PRR19: variants seen among roughly 807,000 people sequenced by gnomAD.
The protein encoded by PRR19 is proline rich 19.
In PRR19, 9 loss-of-function variants were observed where a neutral mutation model predicts 19.2. That is an observed-to-expected ratio of 0.47 (90% CI 0.28 to 0.82). The LOEUF (loss-of-function observed/expected upper bound fraction) is 0.82. Among genes scored for constraint, PRR19 ranks in the 40% least tolerant of loss-of-function variants. The pLI is 0.11. For synonymous variants in PRR19, 190 were observed against 191.0 expected (o/e 0.99, Z 0.04); for missense variants, 457 against 466.0 (o/e 0.98, Z 0.18).
Position 42,309,800 on chromosome 19 carries a change from G to A in PRR19, c.216G>A (p.Glu72=). The change falls in exon 2 of 3, where the codon GAG becomes GAA. Residue 72 remains glutamate, a synonymous_variant. Coordinates refer to ENST00000341747, the MANE Select transcript of PRR19 (RefSeq NM_199285.3). ...TAACCCAGGGCCGGCTGAGCCGGGA[G>A]CACCGGGGTCTCTTCAACCACGAGG... is the stretch of plus-strand genomic sequence containing the variant. ...VVITQGRLSR[E]HRGLFNHEVK... 1 of 1,613,998 alleles carries A rather than the reference G, an allele frequency of 6.2e-7. No homozygotes were observed. Among genetic ancestry groups the A allele is most frequent in the Non-Finnish European group, 8.5e-7 (1 of 1,179,938 alleles).
chr19:42,302,979 TC>T (rs1355507425), intron 1 of PRR19, among the ~76,000 whole-genome samples: 1 of 151,470 alleles, frequency 6.6e-6, no homozygotes, highest in Non-Finnish European at 1.5e-5. Flanking sequence ...AATTCGAGGC[TC>T]CCTTCTAAGG....
chr19:42,310,488 T>A lies in PRR19; in HGVS notation c.819T>A (p.Ser273=). 6.2e-7 allele frequency: 1 copy of A among 1,614,176 alleles called. No individual in the cohort carries two copies. The highest frequency in any genetic ancestry group is 8.5e-7 in the Non-Finnish European group (1 of 1,180,016). Residue 273 remains serine, a synonymous_variant, in exon 3 of 3, where the codon TCT becomes TCA. Transcript: ENST00000341747. ...ACTTTCCCTCACTGTCTTCGCCATC[T>A]GGAACAGCCTGGGGTCCCCCAACAG... The part of the protein sequence containing the change: ...PPYFPSLSSP[S]GTAWGPPTAF...
intron 1 of PRR19, among the ~76,000 whole-genome samples, chr19:42,306,372 A>G (rs2038706571): frequency 1.3e-5 from 2 of 151,970 alleles, no homozygotes; most frequent in Admixed American, 1.3e-4. Context: ...ACGGGGTTTC[A>G]CCGTGTTAGC....
rs2038651877 is a variant in PRR19 at position 42,302,475 on chromosome 19, C to A, written c.-35C>A. Reference sequence around the variant, plus strand: ...AGGCCGATACAGGGCGCCGCCTCCTCTCCAGGGACGGAAGCCTTCACTTAG... The same window carrying A: ...AGGCCGATACAGGGCGCCGCCTCCTATCCAGGGACGGAAGCCTTCACTTAG... On this transcript the variant is annotated 5_prime_UTR_variant, in exon 1 of 3. Coordinates refer to ENST00000341747, the MANE Select transcript of PRR19 (RefSeq NM_199285.3). 1 of 609,334 alleles carries A rather than the reference C, an allele frequency of 1.6e-6. No individual in the cohort carries two copies. The highest frequency in any genetic ancestry group is 2.8e-6 in the Non-Finnish European group (1 of 351,668). The allele number at this position is 609,334 out of a possible 1,614,324, so 37.7% of individuals were successfully genotyped here.
rs2038643974 is a variant in PRR19, at chr19:42,302,232, C to G, written c.-278C>G. ...CAATATCCCAGGTGGGAACGCTCAC[C>G]AGGGACATCCAGCGCCCGTCGCCCT... On this transcript the variant is annotated 5_prime_UTR_variant, in exon 1 of 3. Transcript: ENST00000341747. The G allele has an allele frequency of 1.2e-5, 19 of 1,593,490 alleles. No homozygotes were observed. Among genetic ancestry groups the G allele is most frequent in the Non-Finnish European group, 1.5e-5 (17 of 1,170,154 alleles).
In PRR19 at chr19:42,302,307, C is replaced by T. The variant is rs1394237546; in HGVS notation, c.-203C>T. ...TGCTGGCTGGGTTCTCCTCTCCACT[C>T]ATCTTGGCGCCGCAGCTCCTGCAGG... is the stretch of plus-strand genomic sequence containing the variant. On this transcript the variant is annotated 5_prime_UTR_variant, in exon 1 of 3. Coordinates refer to ENST00000341747, the MANE Select transcript of PRR19 (RefSeq NM_199285.3). 6.2e-7 allele frequency: 1 copy of T among 1,602,820 alleles called. No homozygotes were observed.
chr19:42,309,183 C>T (rs1012808902), intron 1 of PRR19: 3 of 155,336 alleles, frequency 1.9e-5, no homozygotes, highest in African/African-American at 7.2e-5. Flanking sequence ...AAGTGATTCT[C>T]CTGCCTCAGC....
chr19:42,310,062 G>C lies in PRR19; in HGVS notation c.478G>C (p.Ala160Pro), dbSNP rs199970161. The C allele has an allele frequency of 7.4e-6, 12 of 1,613,958 alleles. No individual in the cohort carries two copies. In the African/African-American group the frequency reaches 1.2e-4, roughly 16 times the overall value. Residue 160 changes from alanine (A) to proline (P), a missense_variant, in exon 2 of 3, where the codon GCC becomes CCC. Transcript: ENST00000341747. Reference protein sequence around the residue: ...ELQCQLSLPQAFPRRNLIQDA... With the variant: ...ELQCQLSLPQPFPRRNLIQDA... Reference sequence around the variant, plus strand: ...GCAGTGTCAGCTGAGTTTGCCACAGGCCTTCCCCCGGAGGAACCTGATTCA... The same window carrying C: ...GCAGTGTCAGCTGAGTTTGCCACAGCCCTTCCCCCGGAGGAACCTGATTCA...
At position 42,309,663 on chromosome 19, in the gene PRR19, C is replaced by G. The variant is rs142853505; in HGVS notation, c.79C>G (p.Arg27Gly). 6.3e-7 allele frequency: 1 copy of G among 1,592,762 alleles called. No individual in the cohort carries two copies. The highest frequency in any genetic ancestry group is 8.6e-7 in the Non-Finnish European group (1 of 1,166,922). ...TCGTGTCCGTCGTCGGAAGACTAGGCGGGAACGTAACAAGGCCCTGGTGGG... is the reference window on the plus strand; with the variant it reads ...TCGTGTCCGTCGTCGGAAGACTAGGGGGGAACGTAACAAGGCCCTGGTGGG... ...PGRVRRRKTR[R>G]ERNKALVGSR... is the part of the protein sequence containing the mutation. Residue 27 changes from arginine to glycine, a missense_variant, in exon 2 of 3, where the codon CGG becomes GGG. By Grantham distance (125) the Arg-to-Gly change is moderately radical. Coordinates refer to ENST00000341747, the MANE Select transcript of PRR19 (RefSeq NM_199285.3).
In PRR19 at chr19:42,310,355, G is replaced by C; in HGVS notation, c.686G>C (p.Arg229Thr). 6.2e-7 allele frequency: 1 copy of C among 1,614,150 alleles called. No individual in the cohort carries two copies. The highest frequency in any genetic ancestry group is 8.5e-7 in the Non-Finnish European group (1 of 1,180,016). ...PDQVPEQERQ[R>T]KQQGTKEFTF... ...CAAGTCCCAGAGCAGGAGAGGCAAA[G>C]GAAGCAACAAGGGACAAAGGAGTTC... is the stretch of plus-strand genomic sequence containing the variant. Residue 229 changes from arginine (R) to threonine (T), a missense_variant, in exon 3 of 3, where the codon AGG (arginine) becomes ACG (threonine). Coordinates refer to ENST00000341747, the MANE Select transcript of PRR19 (RefSeq NM_199285.3).
intron 1 of PRR19, among the ~76,000 whole-genome samples, chr19:42,306,725 T>A (rs1437303465): frequency 6.6e-6 from 1 of 152,206 alleles, no homozygotes; most frequent in Non-Finnish European, 1.5e-5. Flanking sequence ...GAAAGACCGC[T>A]GATAGCTATC....
At chr19:42,305,313 C>A (rs1191210726) in intron 1 of PRR19, among the ~76,000 whole-genome samples, 3 of 151,166 alleles carry the variant, frequency 2.0e-5, no homozygotes, top group Non-Finnish European at 4.4e-5. Context: ...GAGTCTCGCT[C>A]TGTCGCCTAG....
In PRR19 at chr19:42,310,570, TG is replaced by T. The variant is rs750975055; in HGVS notation, c.907del (p.Val303LeufsTer37). On this transcript the variant is annotated frameshift_variant, in exon 3 of 3. Coordinates refer to ENST00000341747, the MANE Select transcript of PRR19 (RefSeq NM_199285.3). LOFTEE classifies it high-confidence loss of function. The stretch of plus-strand genomic sequence containing the variant: ...AGCCACGCCACCCCCTCCTCGGCCC[TG>T]GGGGGTTGGCCTCCCTCAGCCCCTG... The part of the protein sequence containing the change: ...LVATPPPPRP[W>X]GVGLPQPLPQ... 64 of 1,613,942 alleles carry T rather than the reference TG, an allele frequency of 4.0e-5. No homozygotes were observed. Among genetic ancestry groups the T allele is most frequent in the Admixed American group, 8.3e-5 (5 of 60,024 alleles).
chr19:42,310,096 G>A lies in PRR19; in HGVS notation c.512G>A (p.Arg171Lys). 2 of 1,614,102 alleles carry A rather than the reference G, an allele frequency of 1.2e-6. No homozygotes were observed. The highest frequency in any genetic ancestry group is 1.7e-6 in the Non-Finnish European group (2 of 1,180,006). Residue 171 changes from arginine to lysine, a missense_variant, in exon 2 of 3, where the codon AGG becomes AAG. By Grantham distance (26) the Arg-to-Lys change is conservative. Coordinates refer to ENST00000341747, the MANE Select transcript of PRR19 (RefSeq NM_199285.3). ...CGGAGGAACCTGATTCAGGATGCCAGGGATGCCATCGTGCACACCTTGCAG... is the reference window on the plus strand; with the variant it reads ...CGGAGGAACCTGATTCAGGATGCCAAGGATGCCATCGTGCACACCTTGCAG... ...FPRRNLIQDA[R>K]DAIVHTLQAC...
chr19:42,302,815 G>C lies in PRR19; in HGVS notation c.-7+312G>C, dbSNP rs1049437814. The stretch of plus-strand genomic sequence containing the variant: ...GGACCACCTACTGTTGCGGGGGGGG[G>C]GGTGACCCATTCACGTGGTGGGGGG... On this transcript the variant is annotated intron_variant, in intron 1 of 2. Coordinates refer to ENST00000341747, the MANE Select transcript of PRR19 (RefSeq NM_199285.3). 6.1e-5 allele frequency: 8 copies of C among 131,884 alleles called. No homozygotes were observed. The South Asian group carries it at 1.1e-3, about 19-fold the overall frequency. The allele number at this position is 131,884 out of a possible 1,614,324, so 8.2% of individuals were successfully genotyped here.
chr19:42,309,711 C>T lies in PRR19; in HGVS notation c.127C>T (p.His43Tyr). 2 of 1,606,142 alleles carry T rather than the reference C, an allele frequency of 1.2e-6. No homozygotes were observed. The highest frequency in any genetic ancestry group is 1.1e-5 in the South Asian group (1 of 90,704). ...GGGCAGCCGCCGGCCATTAGCCCAC[C>T]ACGATCCTCCTGTGGCCATTCGGGA... ...LVGSRRPLAH[H>Y]DPPVAIRDPP... Residue 43 changes from histidine to tyrosine, a missense_variant, in exon 2 of 3, where the codon CAC (histidine) becomes TAC (tyrosine). His to Tyr is a moderately conservative substitution (Grantham distance 83). Coordinates refer to ENST00000341747, the MANE Select transcript of PRR19 (RefSeq NM_199285.3).
At chr19:42,308,390 CTT>C (rs774768445) in intron 1 of PRR19, among the ~76,000 whole-genome samples, 36 of 119,306 alleles carry the variant, frequency 3.0e-4, no homozygotes, top group African/African-American at 1.0e-3. Context: ...CCGAATCCAG[CTT>C]TTTTTTTTTT....
chr19:42,306,648 G>A (rs557697642), intron 1 of PRR19, among the ~76,000 whole-genome samples: 6 of 152,316 alleles, frequency 3.9e-5, no homozygotes, highest in Admixed American at 2.0e-4. Flanking sequence ...CTGCTTGGGG[G>A]ACAGCTGTGC....
chr19:42,308,052 C>T (rs1269513338), intron 1 of PRR19, among the ~76,000 whole-genome samples: 2 of 151,332 alleles, frequency 1.3e-5, no homozygotes, highest in Admixed American at 6.6e-5. Context: ...TCACCGCGCC[C>T]GGCTCACCCT....
Sources: allele counts gnomAD v4.1 joint callset (sites outside exome capture counted in the v4.1 genomes callset), GRCh38; gene constraint gnomAD v4.1.1; transcripts MANE v1.5; gene names NCBI Gene and HGNC (gene_info 2026-07-23, HGNC 2026-07-21).